DSCAM: variants seen among roughly 807,000 people sequenced by gnomAD.
The protein encoded by DSCAM is cell adhesion molecule DSCAM.
In DSCAM, 47 loss-of-function variants were observed where a neutral mutation model predicts 217.7. The observed-to-expected ratio is 0.22, with a 90% CI of 0.17 to 0.28. The LOEUF is 0.28. Ranked by LOEUF, DSCAM falls within the 10% of genes least tolerant of loss-of-function variation. The pLI is 1.00. For missense variants in DSCAM, 2,080 were observed against 2,618.3 expected, an observed-to-expected ratio of 0.79 and a Z score of 4.49; for synonymous variants, 1,056 against 1,015.3, an observed-to-expected ratio of 1.04 and a Z score of -0.76.
At chr21:40,575,879 G>A (rs897549283) in intron 3 of DSCAM, among the ~76,000 whole-genome samples, 2 of 151,968 alleles carry the variant, frequency 1.3e-5, no homozygotes, top group Non-Finnish European at 2.9e-5. Context: ...CACGTCCAAT[G>A]AGCACATGTA....
intron 1 of DSCAM, among the ~76,000 whole-genome samples, chr21:40,730,009 G>A (rs1444363481): frequency 6.6e-6 from 1 of 152,172 alleles, no homozygotes; most frequent in African/African-American, 2.4e-5. Flanking sequence ...ACAGACTGGA[G>A]TTGAACATTC....
intron 1 of DSCAM, among the ~76,000 whole-genome samples, chr21:40,797,470 A>G (rs773898106): frequency 2.6e-5 from 4 of 152,240 alleles, no homozygotes; most frequent in Non-Finnish European, 5.9e-5. Context: ...TTTGAGACAC[A>G]TTCTCCCCAG....
intron 3 of DSCAM, among the ~76,000 whole-genome samples, chr21:40,460,626 A>C (rs1001690720): frequency 3.9e-5 from 6 of 152,222 alleles, no homozygotes; most frequent in African/African-American, 1.4e-4. Flanking sequence ...GAAAAAAATC[A>C]ACCACCCAAA....
intron 1 of DSCAM, among the ~76,000 whole-genome samples, chr21:40,801,994 G>A (rs1396086588): frequency 6.6e-6 from 1 of 152,182 alleles, no homozygotes; most frequent in African/African-American, 2.4e-5. Context: ...TGGAGCCATA[G>A]AGGCAGGACC....
chr21:40,158,248 G>T (rs1452276444), intron 16 of DSCAM, among the ~76,000 whole-genome samples: 1 of 152,180 alleles, frequency 6.6e-6, no homozygotes, highest in South Asian at 2.1e-4. Flanking sequence ...ACTGGGCATG[G>T]TGATGGTGGT....
chr21:40,620,766 AC>A (rs2089503262), intron 3 of DSCAM, among the ~76,000 whole-genome samples: 1 of 152,234 alleles, frequency 6.6e-6, no homozygotes, highest in South Asian at 2.1e-4. Flanking sequence ...CAGAAACACT[AC>A]ACTGTGTTCA....
At chr21:40,321,878 C>G (rs919092615) in intron 8 of DSCAM, among the ~76,000 whole-genome samples, 4 of 152,094 alleles carry the variant, frequency 2.6e-5, no homozygotes, top group African/African-American at 9.7e-5. Flanking sequence ...ACACCCTGTC[C>G]GAGCCCCATT....
intron 30 of DSCAM, among the ~76,000 whole-genome samples, chr21:40,046,392 C>T (rs1193162479): frequency 6.6e-6 from 1 of 151,532 alleles, no homozygotes; most frequent in Non-Finnish European, 1.5e-5. Flanking sequence ...TCATCCCTTA[C>T]TTGCACAATT....
chr21:40,371,693 G>C (rs553621333), intron 3 of DSCAM, among the ~76,000 whole-genome samples: 1 of 152,114 alleles, frequency 6.6e-6, no homozygotes, highest in African/African-American at 2.4e-5. Flanking sequence ...GCTTTAGGGC[G>C]TATCATTTCA....
At chr21:40,115,087 A>T (rs1408898123) in intron 20 of DSCAM, among the ~76,000 whole-genome samples, 5 of 152,120 alleles carry the variant, frequency 3.3e-5, no homozygotes, top group African/African-American at 4.8e-5. Context: ...GGATTATAAA[A>T]CATGCTGCTA....
intron 3 of DSCAM, among the ~76,000 whole-genome samples, chr21:40,656,573 T>C (rs943629896): frequency 1.3e-5 from 2 of 152,206 alleles, no homozygotes; most frequent in Admixed American, 6.5e-5. Flanking sequence ...TCTCCTCTCT[T>C]AAAAGAGCAA....
chr21:40,658,037 T>C (rs1347072004), intron 3 of DSCAM, among the ~76,000 whole-genome samples: 1 of 152,222 alleles, frequency 6.6e-6, no homozygotes, highest in Non-Finnish European at 1.5e-5. Flanking sequence ...TAAGTGATAT[T>C]GAGGTATTAA....
intron 20 of DSCAM, among the ~76,000 whole-genome samples, chr21:40,113,935 A>G (rs1012641171): frequency 1.3e-5 from 2 of 152,032 alleles, no homozygotes; most frequent in African/African-American, 4.8e-5. Context: ...ATGGAAGAAC[A>G]TTCCATGCTC....
intron 3 of DSCAM, among the ~76,000 whole-genome samples, chr21:40,542,053 G>GT (rs1187679052): frequency 2.0e-5 from 3 of 152,112 alleles, no homozygotes; most frequent in Non-Finnish European, 2.9e-5. Context: ...GGAACTCAAA[G>GT]TTTTAACAAA....
chr21:40,559,786 C>CT (rs548599799), intron 3 of DSCAM, among the ~76,000 whole-genome samples: 3,271 of 109,390 alleles, frequency 0.03, 106 homozygotes, highest in African/African-American at 0.047. Context: ...AATTTTCTGT[C>CT]TTTTTTTTTT....
chr21:40,786,235 TCAAAA>T (rs2091592702), intron 1 of DSCAM, among the ~76,000 whole-genome samples: 1 of 123,570 alleles, frequency 8.1e-6, no homozygotes, highest in Admixed American at 1.0e-4. Context: ...AAACTCAGTC[TCAAAA>T]CAAAACAAAG....
intron 17 of DSCAM, among the ~76,000 whole-genome samples, chr21:40,143,947 A>G (rs2090323272): frequency 6.6e-6 from 1 of 152,086 alleles, no homozygotes; most frequent in Non-Finnish European, 1.5e-5. Context: ...CTCTATTTTC[A>G]AGCACTACTG....
chr21:40,371,886 C>CA (rs558957696), intron 3 of DSCAM, among the ~76,000 whole-genome samples: 219 of 152,238 alleles, frequency 1.4e-3, no homozygotes, highest in African/African-American at 4.9e-3. Flanking sequence ...GGTCTGATTG[C>CA]AAAAATTTAA....
At chr21:40,035,551 C>T (rs1275305555) in intron 32 of DSCAM, among the ~76,000 whole-genome samples, 1 of 133,482 alleles carries the variant, frequency 7.5e-6, no homozygotes, top group Non-Finnish European at 1.6e-5. Flanking sequence ...CTTAGACTCC[C>T]ACACATTAAT....
Sources: gnomAD v4.1 joint callset for allele counts (sites outside exome capture counted in the v4.1 genomes callset) on GRCh38, gnomAD v4.1.1 for gene constraint, MANE v1.5 for transcripts, NCBI Gene and HGNC (gene_info 2026-07-23, HGNC 2026-07-21) for gene names.